ME1: variants seen among roughly 807,000 people sequenced by gnomAD.
The protein encoded by ME1 is malic enzyme 1, also known as NADP-dependent malic enzyme.
A neutral mutation model predicts 66.4 loss-of-function variants in ME1; 74 were observed. That is an observed-to-expected ratio of 1.11 (90% CI 0.92 to 1.35). ME1 has a LOEUF of 1.35. Ranked by LOEUF, ME1 falls within the 40% of genes most tolerant of loss-of-function variation. ME1 has a pLI of 0.00. For missense variants in ME1, 750 were observed against 694.1 expected, an observed-to-expected ratio of 1.08 and a Z score of -0.90; for synonymous variants, 251 against 235.6, an observed-to-expected ratio of 1.07 and a Z score of -0.60.
chr6:83,354,169 C>T (rs954011773), intron 3 of ME1, among the ~76,000 whole-genome samples: 1 of 152,178 alleles, frequency 6.6e-6, no homozygotes, highest in Admixed American at 6.6e-5. Context: ...CTCTGTCACC[C>T]AGGTTGGAGG....
intron 6 of ME1, among the ~76,000 whole-genome samples, chr6:83,258,481 C>T (rs929107528): frequency 6.6e-6 from 1 of 152,138 alleles, no homozygotes; most frequent in African/African-American, 2.4e-5. Context: ...AAAGAACCTA[C>T]TATTTTATGA....
chr6:83,233,570 T>C (rs1223197750), intron 9 of ME1, among the ~76,000 whole-genome samples: 1 of 152,104 alleles, frequency 6.6e-6, no homozygotes, highest in Non-Finnish European at 1.5e-5. Flanking sequence ...TCTAGCGTGA[T>C]GATGATATAA....
At chr6:83,298,370 A>C (rs1767641535) in intron 6 of ME1, among the ~76,000 whole-genome samples, 1 of 151,870 alleles carries the variant, frequency 6.6e-6, no homozygotes, top group Admixed American at 6.6e-5. Flanking sequence ...TCTTTTGAGA[A>C]GTGTTGGTTC....
intron 3 of ME1, among the ~76,000 whole-genome samples, chr6:83,367,976 GTGACTCTTCCTTTCACCTGAACAC>G (rs1395554460): frequency 6.6e-6 from 1 of 152,040 alleles, no homozygotes; most frequent in Non-Finnish European, 1.5e-5. Flanking sequence ...TGAGAGATGT[GTGACTCTTCCTTTCACCTGAACAC>G]TTAAAGGCCA....
At chr6:83,260,030 T>C (rs1216159332) in intron 6 of ME1, among the ~76,000 whole-genome samples, 1 of 152,150 alleles carries the variant, frequency 6.6e-6, no homozygotes, top group African/African-American at 2.4e-5. Context: ...ACCAAGGACT[T>C]GAAGAAATTT....
At chr6:83,397,690 C>T (rs1769763861) in intron 3 of ME1, among the ~76,000 whole-genome samples, 1 of 152,118 alleles carries the variant, frequency 6.6e-6, no homozygotes, top group Non-Finnish European at 1.5e-5. Flanking sequence ...ATGTTCACTA[C>T]AGCATTATTC....
At chr6:83,290,034 T>C (rs1767471047) in intron 6 of ME1, among the ~76,000 whole-genome samples, 3 of 152,186 alleles carry the variant, frequency 2.0e-5, no homozygotes, top group Admixed American at 2.0e-4. Flanking sequence ...TATCCTTTAT[T>C]AGTCTTGCTA....
chr6:83,250,233 G>C (rs1044248521), intron 7 of ME1, among the ~76,000 whole-genome samples: 55 of 151,320 alleles, frequency 3.6e-4, no homozygotes, highest in African/African-American at 1.3e-3. Flanking sequence ...AAAATAACAG[G>C]ATTGTTATTT....
At chr6:83,240,030 A>G (rs1790481693) in intron 7 of ME1, among the ~76,000 whole-genome samples, 1 of 152,128 alleles carries the variant, frequency 6.6e-6, no homozygotes, top group African/African-American at 2.4e-5. Context: ...TATGATATAA[A>G]AGAGTAATAA....
chr6:83,391,553 A>G (rs1279005427), intron 3 of ME1, among the ~76,000 whole-genome samples: 1 of 152,146 alleles, frequency 6.6e-6, no homozygotes, highest in Non-Finnish European at 1.5e-5. Context: ...TTTTAAAAAT[A>G]CTAGATCATG....
chr6:83,275,406 C>G (rs1583351763), intron 6 of ME1, among the ~76,000 whole-genome samples: 3 of 150,904 alleles, frequency 2.0e-5, no homozygotes, highest in Admixed American at 6.6e-5. Context: ...ATAGTATAAA[C>G]CGAACCATAT....
intron 6 of ME1, among the ~76,000 whole-genome samples, chr6:83,267,298 TA>T (rs1767004540): frequency 1.3e-5 from 2 of 152,136 alleles, no homozygotes; most frequent in African/African-American, 4.8e-5. Flanking sequence ...ATCTCAAGTC[TA>T]TCCACTGCCC....
intron 9 of ME1, 52 bp from the exon 10 acceptor site, chr6:83,228,983 C>A: frequency 1.7e-6 from 2 of 1,207,756 alleles, no homozygotes; most frequent in South Asian, 1.3e-5. Flanking sequence ...ATGTGAGGGT[C>A]AATAAATTTC....
chr6:83,257,359 A>G (rs1766792623), intron 6 of ME1, among the ~76,000 whole-genome samples: 2 of 152,064 alleles, frequency 1.3e-5, no homozygotes, highest in African/African-American at 4.8e-5. Flanking sequence ...AGGGAAATAC[A>G]AGCAATTTTT....
intron 6 of ME1, among the ~76,000 whole-genome samples, chr6:83,310,702 T>C (rs568575897): frequency 2.3e-4 from 35 of 152,128 alleles, no homozygotes; most frequent in African/African-American, 8.2e-4. Flanking sequence ...ATTTCAGATG[T>C]TTGAGAAATA....
intron 6 of ME1, among the ~76,000 whole-genome samples, chr6:83,274,010 C>T (rs73749776): frequency 0.055 from 8,336 of 152,224 alleles, 765 homozygotes; most frequent in African/African-American, 0.19. Flanking sequence ...TTTTCAAACT[C>T]GTATCCCTCA....
intron 3 of ME1, among the ~76,000 whole-genome samples, chr6:83,394,806 T>C (rs1301365307): frequency 6.6e-6 from 1 of 152,196 alleles, no homozygotes; most frequent in African/African-American, 2.4e-5. Context: ...TTTATTTCGA[T>C]TGTTTCTTCT....
chr6:83,227,419 G>A lies in ME1; in HGVS notation c.1191C>T (p.Phe397=). ...AAGCAAAAATAATAGGCCGTTCATT[G>A]AAGGCAGCCATATCTTTGAGAATTT... The part of the protein sequence containing the change: ...SEQILKDMAA[F]NERPIIFALS... The change falls in exon 11 of 14, where the codon TTC becomes TTT. Residue 397 remains phenylalanine (F), a synonymous_variant. Transcript: ENST00000369705. The A allele has an allele frequency of 6.2e-7, 1 of 1,604,980 alleles. No homozygotes were observed. Among genetic ancestry groups the A allele is most frequent in the Non-Finnish European group, 8.5e-7 (1 of 1,174,092 alleles).
At chr6:83,357,927 CTCTCTCTCTATATA>C (rs1217907851) in intron 3 of ME1, among the ~76,000 whole-genome samples, 6 of 58,340 alleles carry the variant, frequency 1.0e-4, no homozygotes, top group Admixed American at 2.5e-4. Context: ...CTCTCTCTCT[CTCTCTCTCTATATA>C]TATATATATA....
Sources: gnomAD v4.1 joint callset for allele counts (sites outside exome capture counted in the v4.1 genomes callset) on GRCh38, gnomAD v4.1.1 for gene constraint, MANE v1.5 for transcripts, NCBI Gene and HGNC (gene_info 2026-07-23, HGNC 2026-07-21) for gene names.